MLLT1: variants seen among roughly 807,000 people sequenced by gnomAD.
MLLT1 encodes the protein MLLT1 super elongation complex subunit.
MLLT1 carries 11 observed loss-of-function variants against 55.1 expected under a neutral mutation model. That is an observed-to-expected ratio of 0.20 (90% CI 0.13 to 0.33). The LOEUF is 0.33. Among genes scored for constraint, MLLT1 ranks in the 10% least tolerant of loss-of-function variants. The probability of loss-of-function intolerance (pLI) is 1.00; values close to 1 mark genes in which losing one functional copy is unlikely to be tolerated. For synonymous variants in MLLT1, 323 were observed against 320.1 expected (o/e 1.01, Z -0.10); for missense variants, 536 against 760.6 (o/e 0.70, Z 3.47).
At chr19:6,243,208 C>A (rs1437042638) in intron 3 of MLLT1, among the ~76,000 whole-genome samples, 2 of 152,196 alleles carry the variant, frequency 1.3e-5, no homozygotes, top group Non-Finnish European at 2.9e-5. Context: ...CCAGTCCCAG[C>A]CCGAGCAGGG....
rs73920631 is a variant in MLLT1 at position 6,271,331 on chromosome 19, G to A, written c.13-572C>T. Among the ~76,000 whole-genome samples, 229 of 152,274 alleles carry A rather than the reference G, an allele frequency of 1.5e-3. 1 individual carries two copies. Among genetic ancestry groups the A allele is most frequent in the African/African-American group, 5.2e-3 (217 of 41,542 alleles). ...TTCATTCCCAAGCACGCATCACAGC[G>A]CCTCCCGGAGGCCCCTCTCCTTTCC... On this transcript the variant is annotated intron_variant, in intron 1 of 11. Transcript: ENST00000252674.
chr19:6,251,910 G>A (rs1333476258), intron 3 of MLLT1, among the ~76,000 whole-genome samples: 3 of 152,158 alleles, frequency 2.0e-5, no homozygotes, highest in Non-Finnish European at 4.4e-5. Flanking sequence ...AGCTGAGATT[G>A]TACCACTGCA....
chr19:6,212,942 G>A lies in MLLT1; in HGVS notation c.*100C>T. ...CGGGCGAGGACAGGGCTGTCGCTAA[G>A]GCAGTGCTGCGGGCAGGCGAGACGG... On this transcript the variant is annotated 3_prime_UTR_variant, in exon 12 of 12. Coordinates refer to ENST00000252674, the MANE Select transcript of MLLT1 (RefSeq NM_005934.4). 1.4e-6 allele frequency: 2 copies of A among 1,459,088 alleles called. No individual in the cohort carries two copies. The highest frequency in any genetic ancestry group is 1.9e-6 in the Non-Finnish European group (2 of 1,070,700). The allele number at this position is 1,459,088 out of a possible 1,614,324, so 90.4% of individuals were successfully genotyped here. A position where few individuals can be genotyped will look rare whatever the true frequency, so the allele number is the denominator to read the frequency against.
intron 3 of MLLT1, among the ~76,000 whole-genome samples, chr19:6,253,137 C>A (rs1470767139): frequency 6.6e-6 from 1 of 151,386 alleles, no homozygotes; most frequent in Non-Finnish European, 1.5e-5. Flanking sequence ...ATGGTGGGCA[C>A]ACCCGTAGTC....
intron 2 of MLLT1, among the ~76,000 whole-genome samples, chr19:6,268,494 C>T (rs1355641282): frequency 6.6e-6 from 1 of 152,168 alleles, no homozygotes; most frequent in Non-Finnish European, 1.5e-5. Flanking sequence ...CAACTTTGTA[C>T]CTTACATGTT....
At chr19:6,245,679 C>A (rs1201058189) in intron 3 of MLLT1, among the ~76,000 whole-genome samples, 1 of 151,770 alleles carries the variant, frequency 6.6e-6, no homozygotes, top group Non-Finnish European at 1.5e-5. Flanking sequence ...CCACTGCACT[C>A]CAGCCTCGGC....
rs951475395 is a variant in MLLT1, at chr19:6,235,384, C to T, written c.277-4671G>A. Reference sequence around the variant, plus strand: ...TCCTCACGGGCAGCATGGGGGGATTCGCTGCAATGCCACAGCCACAGTGCT... The same window carrying T: ...TCCTCACGGGCAGCATGGGGGGATTTGCTGCAATGCCACAGCCACAGTGCT... On this transcript the variant is annotated intron_variant, in intron 3 of 11. Coordinates refer to ENST00000252674, the MANE Select transcript of MLLT1 (RefSeq NM_005934.4). This position sits in a 1 kb window ranked among gnomAD's most constrained non-coding sequence, Gnocchi z 5.5. Among the ~76,000 whole-genome samples, 5 of 152,164 alleles carry T rather than the reference C, an allele frequency of 3.3e-5. No homozygotes were observed. Among genetic ancestry groups the T allele is most frequent in the Admixed American group, 2.0e-4 (3 of 15,288 alleles).
At chr19:6,267,801 ATTGTAG>A (rs2091361048) in intron 2 of MLLT1, among the ~76,000 whole-genome samples, 1 of 152,210 alleles carries the variant, frequency 6.6e-6, no homozygotes, top group East Asian at 1.9e-4. Context: ...AACAACGTCC[ATTGTAG>A]CCTCAAAAAG....
In MLLT1 at chr19:6,227,719, A is replaced by G. The variant is rs996306492; in HGVS notation, c.421-617T>C. Among the ~76,000 whole-genome samples, 23 of 152,202 alleles carry G rather than the reference A, an allele frequency of 1.5e-4. No individual in the cohort carries two copies. Among genetic ancestry groups the G allele is most frequent in the African/African-American group, 5.5e-4 (23 of 41,450 alleles). On this transcript the variant is annotated intron_variant, in intron 4 of 11. Coordinates refer to ENST00000252674, the MANE Select transcript of MLLT1 (RefSeq NM_005934.4). The surrounding 1 kb of genome is among the most constrained non-coding windows in gnomAD (Gnocchi z 5.1). Reference sequence around the variant, plus strand: ...CCGAGTGAGCCAGCGAGCCTGCAGCATGGGGCACCTGCTCCTGCGCTCCAT... The same window carrying G: ...CCGAGTGAGCCAGCGAGCCTGCAGCGTGGGGCACCTGCTCCTGCGCTCCAT...
rs548194190 is a variant in MLLT1 at position 6,249,592 on chromosome 19, T to C, written c.276+12636A>G. ...AGCATGCAGAAGCCTCGAGGCCGCA[T>C]GTGATGGGAGGGAGGCCACCCGGAT... On this transcript the variant is annotated intron_variant, in intron 3 of 11. Coordinates refer to ENST00000252674, the MANE Select transcript of MLLT1 (RefSeq NM_005934.4). Among the ~76,000 whole-genome samples the C allele has an allele frequency of 3.3e-5, 5 of 152,330 alleles. No homozygotes were observed. In the South Asian group the frequency reaches 1.0e-3, roughly 32 times the overall value.
rs562380091 is a variant in MLLT1 at position 6,258,470 on chromosome 19, C to T, written c.276+3758G>A. On this transcript the variant is annotated intron_variant, in intron 3 of 11. Coordinates refer to ENST00000252674, the MANE Select transcript of MLLT1 (RefSeq NM_005934.4). ...ATGTCAAGCAAGGCAACGCTGTCGT[C>T]TTGCTTCGGAAAAACTTCTTCACAA... 1.8e-4 allele frequency among the ~76,000 whole-genome samples: 28 copies of T among 152,330 alleles called. No homozygotes were observed. In the South Asian group the frequency reaches 5.6e-3, roughly 30 times the overall value.
intron 7 of MLLT1, chr19:6,216,829 G>A: frequency 5.9e-6 from 2 of 341,122 alleles, no homozygotes; most frequent in Non-Finnish European, 1.1e-5. Context: ...CCCCTCCTCT[G>A]CTCGGGGCAC....
intron 1 of MLLT1, among the ~76,000 whole-genome samples, chr19:6,274,630 G>C (rs2144967256): frequency 1.3e-5 from 2 of 152,300 alleles, no homozygotes; most frequent in Middle Eastern, 6.8e-3. Context: ...GGAATAGACG[G>C]CTGGAAATGA....
At chr19:6,261,018 G>A (rs753643621) in intron 3 of MLLT1, among the ~76,000 whole-genome samples, 4 of 152,148 alleles carry the variant, frequency 2.6e-5, no homozygotes, top group Admixed American at 6.5e-5. Context: ...AGATGGGCTC[G>A]AGCAATCCCC....
chr19:6,249,961 C>A (rs2091199626), intron 3 of MLLT1, among the ~76,000 whole-genome samples: 1 of 151,776 alleles, frequency 6.6e-6, no homozygotes, highest in Admixed American at 6.6e-5. Context: ...GTGGAGTCTG[C>A]AATGAGCTGT....
chr19:6,246,665 G>A (rs1313395683), intron 3 of MLLT1, among the ~76,000 whole-genome samples: 1 of 151,986 alleles, frequency 6.6e-6, no homozygotes, highest in East Asian at 1.9e-4. Context: ...CAGCAAGTGG[G>A]AATCGGAGTG....
chr19:6,277,886 G>A (rs561826163), intron 1 of MLLT1, among the ~76,000 whole-genome samples: 47 of 152,296 alleles, frequency 3.1e-4, no homozygotes, highest in Admixed American at 1.4e-3. Flanking sequence ...TCCCTTCAAC[G>A]GAAATCAACT....
rs995536333 is a variant in MLLT1, at chr19:6,270,495, T to A, written c.193+84A>T. On this transcript the variant is annotated intron_variant, in intron 2 of 11. Transcript: ENST00000252674. The surrounding 1 kb of genome is among the most constrained non-coding windows in gnomAD (Gnocchi z 7.1). ...ATGGTTGGAGGGGTCCTGCTGCTCC[T>A]GAGGGAGGGGTGGAGCCTGGCCTTG... The A allele has an allele frequency of 6.2e-6, 9 of 1,442,546 alleles. No individual in the cohort carries two copies. Among genetic ancestry groups the A allele is most frequent in the Middle Eastern group, 2.4e-4 (1 of 4,122 alleles). 89.4% of individuals were successfully genotyped at this position (1,442,546 alleles called of 1,614,324 possible). A position where few individuals can be genotyped will look rare whatever the true frequency, so the allele number is the denominator to read the frequency against.
rs2090963170 is a variant in MLLT1, at chr19:6,227,064, C to G, written c.459G>C (p.Arg153Ser). The change falls in exon 5 of 12, where the codon AGG (arginine) becomes AGC (serine). Residue 153 changes from arginine to serine, a missense_variant. Arg to Ser is a moderately radical substitution (Grantham distance 110). Transcript: ENST00000252674. This position sits in a 1 kb window ranked among gnomAD's most constrained non-coding sequence, Gnocchi z 5.1. ...GTAACATGGGGTAGTCGGGACTGGG[C>G]CTGGACACCGTGTCTGCTCCTTCGG... Reference protein sequence around the residue: ...VMPEGADTVSRPSPDYPMLPT... With the variant: ...VMPEGADTVSSPSPDYPMLPT... 6.2e-7 allele frequency: 1 copy of G among 1,605,306 alleles called. No homozygotes were observed. The highest frequency in any genetic ancestry group is 1.1e-5 in the South Asian group (1 of 89,556).
Sources: gnomAD v4.1 joint callset for allele counts (sites outside exome capture counted in the v4.1 genomes callset) on GRCh38, gnomAD v4.1.1 for gene constraint, Gnocchi (gnomAD v3.1) non-coding constraint, MANE v1.5 for transcripts, NCBI Gene and HGNC (gene_info 2026-07-23, HGNC 2026-07-21) for gene names.